CRTC3: variants seen among roughly 807,000 people sequenced by gnomAD.
CRTC3 encodes the protein CREB-regulated transcription coactivator 3.
CRTC3 carries 26 observed loss-of-function variants against 74.5 expected under a neutral mutation model. The observed-to-expected ratio is 0.35, with a 90% CI of 0.26 to 0.48. The LOEUF (loss-of-function observed/expected upper bound fraction) is 0.48, where lower values mean the gene tolerates loss of function less well. Among genes scored for constraint, CRTC3 ranks in the 20% least tolerant of loss-of-function variants. The probability of loss-of-function intolerance (pLI) is 0.99; values close to 1 mark genes in which losing one functional copy is unlikely to be tolerated. For missense variants in CRTC3, 760 were observed against 787.3 expected (o/e 0.97, Z 0.41); for synonymous variants, 377 against 325.8 (o/e 1.16, Z -1.69).
At chr15:90,558,224 C>T (rs116225593) in intron 2 of CRTC3, among the ~76,000 whole-genome samples, 37 of 152,198 alleles carry the variant, frequency 2.4e-4, no homozygotes, top group African/African-American at 8.2e-4. Flanking sequence ...CTACCCTGGT[C>T]GGACCCGTTA....
At chr15:90,567,990 T>G (rs1389873646) in intron 2 of CRTC3, among the ~76,000 whole-genome samples, 1 of 152,224 alleles carries the variant, frequency 6.6e-6, no homozygotes, top group East Asian at 1.9e-4. Flanking sequence ...ATTAAGAACA[T>G]TCATGGTTCA....
In CRTC3 at chr15:90,630,756, ATTTTTTTTTTTTTT is replaced by A. The variant is rs1175467073; in HGVS notation, c.1266+1243_1266+1256del. Among the ~76,000 whole-genome samples the A allele has an allele frequency of 4.7e-4, 11 of 23,634 alleles. 1 individual carries two copies. Among genetic ancestry groups the A allele is most frequent in the Non-Finnish European group, 1.2e-3 (10 of 8,634 alleles). The allele number at this position is 23,634 out of a possible 152,430, so 15.5% of individuals were successfully genotyped here. ...CACATCCTCTGTCTATTACAGCATC[ATTTTTTTTTTTTTT>A]TTTTTTTTTTTTTTTTTTGAGACGG... On this transcript the variant is annotated intron_variant, in intron 11 of 14. Coordinates refer to ENST00000268184, the MANE Select transcript of CRTC3 (RefSeq NM_022769.5).
chr15:90,531,153 T>G lies in CRTC3; in HGVS notation c.132+950T>G, dbSNP rs2151051544. Among the ~76,000 whole-genome samples, 3 of 152,310 alleles carry G rather than the reference T, an allele frequency of 2.0e-5. No homozygotes were observed. In the South Asian group the frequency reaches 6.2e-4, roughly 32 times the overall value. On this transcript the variant is annotated intron_variant, in intron 1 of 14. Transcript: ENST00000268184. ...GCTGAGTTGCAGACACATTATTTTT[T>G]GGCCAGCGCAGTGTTTGGGAAAAAT...
intron 2 of CRTC3, among the ~76,000 whole-genome samples, chr15:90,557,163 G>A (rs1045162398): frequency 6.6e-6 from 1 of 152,038 alleles, no homozygotes; most frequent in Non-Finnish European, 1.5e-5. Context: ...TTTAATCAGT[G>A]TCTGGGAGTC....
chr15:90,557,859 C>T (rs745889028), intron 2 of CRTC3, among the ~76,000 whole-genome samples: 26 of 152,158 alleles, frequency 1.7e-4, no homozygotes, highest in Non-Finnish European at 3.4e-4. Context: ...TCCTGCGTGC[C>T]AGAATCCCAT....
chr15:90,540,015 G>A lies in CRTC3; in HGVS notation c.133-24G>A, dbSNP rs565391111. The A allele has an allele frequency of 3.1e-5, 47 of 1,515,940 alleles. 1 individual carries two copies. In the East Asian group the frequency reaches 3.6e-4, roughly 12 times the overall value. 93.9% of individuals were successfully genotyped at this position (1,515,940 alleles called of 1,614,324 possible). ...TAGATCTTTGCTGTTACCTCTCAGC[G>A]TTCTTAAATCACTTTGTTTCCAGGT... is the stretch of plus-strand genomic sequence containing the variant. On this transcript the variant is annotated intron_variant, in intron 1 of 14. Coordinates refer to ENST00000268184, the MANE Select transcript of CRTC3 (RefSeq NM_022769.5).
chr15:90,640,990 T>C (rs1969418931), intron 13 of CRTC3, 107 bp from the exon 14 acceptor site: 3 of 722,380 alleles, frequency 4.2e-6, no homozygotes, highest in Non-Finnish European at 7.6e-6. Flanking sequence ...GAAGGGAATA[T>C]GGATTAGTTT....
At chr15:90,638,145 T>TAAAACAAAACAAAACAAAAC (rs71463752) in intron 11 of CRTC3, 2 of 356,416 alleles carry the variant, frequency 5.6e-6, no homozygotes, top group African/African-American at 4.3e-5. Context: ...GACACGGCTA[T>TAAAACAAAACAAAACAAAAC]AAAACAAAAC....
intron 11 of CRTC3, among the ~76,000 whole-genome samples, chr15:90,636,093 T>G (rs947653282): frequency 3.9e-5 from 6 of 152,230 alleles, no homozygotes; most frequent in African/African-American, 1.4e-4. Flanking sequence ...GAGCCCACAT[T>G]GCCAAGTCAA....
chr15:90,625,606 C>G (rs545485294), intron 9 of CRTC3, among the ~76,000 whole-genome samples, 170 bp from the exon 10 acceptor site: 151 of 152,130 alleles, frequency 9.9e-4, no homozygotes, highest in African/African-American at 3.6e-3. Context: ...ATATGTGTTT[C>G]GGAGAGGTTA....
chr15:90,610,520 A>G (rs1968332005), intron 6 of CRTC3, among the ~76,000 whole-genome samples: 1 of 152,268 alleles, frequency 6.6e-6, no homozygotes, highest in Non-Finnish European at 1.5e-5. Flanking sequence ...TTTTCATAAT[A>G]GCTATTGAGT....
chr15:90,608,241 C>G (rs1285667194), intron 6 of CRTC3, among the ~76,000 whole-genome samples: 1 of 152,186 alleles, frequency 6.6e-6, no homozygotes, highest in Admixed American at 6.5e-5. Context: ...GAACCCAAAC[C>G]TGATCATCTT....
chr15:90,629,562 CA>C (rs749284511), intron 11 of CRTC3, 30 bp downstream of exon 11: 1 of 1,605,892 alleles, frequency 6.2e-7, no homozygotes, highest in Non-Finnish European at 8.5e-7. Flanking sequence ...CCAACCACTA[CA>C]GTGAAACAGA....
At chr15:90,608,802 C>T (rs114190249) in intron 6 of CRTC3, among the ~76,000 whole-genome samples, 100 of 152,330 alleles carry the variant, frequency 6.6e-4, no homozygotes, top group African/African-American at 2.1e-3. Flanking sequence ...AACACCCTCT[C>T]GGTGCTGGCA....
chr15:90,617,915 A>C lies in CRTC3; in HGVS notation c.646A>C (p.Asn216His). The change falls in exon 8 of 15, where the codon AAT (asparagine) becomes CAT (histidine). Residue 216 changes from asparagine (N) to histidine (H), a missense_variant. By Grantham distance (68) the Asn-to-His change is moderately conservative (BLOSUM62 1). This residue lies in a region of CRTC3 where 652 missense variants were observed against 635.2 expected (regional missense o/e 1.03). Transcript: ENST00000268184. ...ASFPGPLKEE[N>H]LLNVPKPLPK... Reference sequence around the variant, plus strand: ...TTTCCCTGGCCCATTGAAAGAAGAGAATCTGTTAAATGTTCCGAAGCCACT... The same window carrying C: ...TTTCCCTGGCCCATTGAAAGAAGAGCATCTGTTAAATGTTCCGAAGCCACT... The C allele has an allele frequency of 1.2e-6, 2 of 1,613,046 alleles. No homozygotes were observed. The highest frequency in any genetic ancestry group is 2.2e-5 in the East Asian group (1 of 44,870).
chr15:90,535,546 T>C (rs750202701), intron 1 of CRTC3, among the ~76,000 whole-genome samples: 3 of 152,182 alleles, frequency 2.0e-5, no homozygotes, highest in Non-Finnish European at 4.4e-5. Context: ...TCCAGAAGTT[T>C]GGCTGTGAAG....
intron 1 of CRTC3, among the ~76,000 whole-genome samples, chr15:90,538,520 C>T (rs979020267): frequency 1.3e-5 from 2 of 152,108 alleles, no homozygotes; most frequent in Admixed American, 1.3e-4. Context: ...TTTGAGAATA[C>T]ATATTGAAAT....
chr15:90,559,295 T>A (rs1966963002), intron 2 of CRTC3, among the ~76,000 whole-genome samples: 1 of 152,230 alleles, frequency 6.6e-6, no homozygotes, highest in African/African-American at 2.4e-5. Context: ...GGTACTTTTA[T>A]GACTCCCATT....
intron 5 of CRTC3, among the ~76,000 whole-genome samples, chr15:90,606,432 C>G (rs543801073): frequency 3.3e-4 from 50 of 151,972 alleles, no homozygotes; most frequent in Non-Finnish European, 5.6e-4. Flanking sequence ...CATGGTGACG[C>G]ACGTCTATAA....
Sources: gnomAD v4.1 joint callset for allele counts (sites outside exome capture counted in the v4.1 genomes callset) on GRCh38, gnomAD v4.1.1 for gene constraint, gnomAD v4.1.1 regional missense constraint, MANE v1.5 for transcripts, NCBI Gene and HGNC (gene_info 2026-07-23, HGNC 2026-07-21) for gene names.